The following TBC1D32 variants were observed in gnomAD, a reference collection of about 807,000 sequenced individuals.
The protein encoded by TBC1D32 is protein broad-minded.
A neutral mutation model predicts 170.3 loss-of-function variants in TBC1D32; 151 were observed. The ratio of observed to expected loss-of-function variants is 0.89; its 90% CI spans 0.78 to 1.01. The LOEUF (loss-of-function observed/expected upper bound fraction) is 1.01. TBC1D32 is among the 50% of genes least tolerant of loss of function. TBC1D32 has a pLI of 0.00. For synonymous variants in TBC1D32, 498 were observed against 488.0 expected (o/e 1.02, Z -0.27); for missense variants, 1,464 against 1,457.1 (o/e 1.00, Z -0.08).
chr6:121,094,353 G>A (rs995262715), intron 30 of TBC1D32, among the ~76,000 whole-genome samples: 3 of 151,938 alleles, frequency 2.0e-5, no homozygotes, highest in African/African-American at 7.2e-5. Context: ...TTTTAGTAGA[G>A]ACAGGGTTTC....
intron 12 of TBC1D32, among the ~76,000 whole-genome samples, chr6:121,287,778 A>C (rs1404281695): frequency 6.6e-6 from 1 of 152,200 alleles, no homozygotes; most frequent in Non-Finnish European, 1.5e-5. Flanking sequence ...CAAATGTAAA[A>C]GAACAGAAAT....
At chr6:121,334,530 C>G, upstream of TBC1D32, 2 of 1,397,616 alleles carry the variant, frequency 1.4e-6, no homozygotes, top group Non-Finnish European at 1.9e-6. Flanking sequence ...CGGCTACGTG[C>G]GGCGTCGTTC....
At chr6:121,207,136 G>A (rs190825432) in intron 21 of TBC1D32, among the ~76,000 whole-genome samples, 2 of 152,222 alleles carry the variant, frequency 1.3e-5, no homozygotes, top group African/African-American at 2.4e-5. Flanking sequence ...TTTAACCACT[G>A]TTAATCTTCA....
chr6:121,162,006 CT>C (rs1390064669), intron 22 of TBC1D32, among the ~76,000 whole-genome samples: 1 of 152,114 alleles, frequency 6.6e-6, no homozygotes, highest in African/African-American at 2.4e-5. Context: ...TGTTCATGTC[CT>C]TTGCCCACTT....
intron 22 of TBC1D32, among the ~76,000 whole-genome samples, chr6:121,194,781 A>G (rs879347306): frequency 6.6e-6 from 1 of 152,222 alleles, no homozygotes; most frequent in Non-Finnish European, 1.5e-5. Context: ...TTACCCAGAG[A>G]GAACTTGATT....
At chr6:121,249,158 C>T (rs1344298166) in intron 17 of TBC1D32, among the ~76,000 whole-genome samples, 10 of 151,578 alleles carry the variant, frequency 6.6e-5, no homozygotes, top group Non-Finnish European at 1.0e-4. Context: ...TTAACATACA[C>T]ACATCAGTAA....
intron 24 of TBC1D32, among the ~76,000 whole-genome samples, chr6:121,141,201 TAAGG>T (rs1360853942): frequency 2.0e-5 from 3 of 151,798 alleles, no homozygotes; most frequent in Admixed American, 1.3e-4. Context: ...GAGAGAGAAA[TAAGG>T]AAGAGAAGAA....
intron 22 of TBC1D32, among the ~76,000 whole-genome samples, chr6:121,168,453 A>C (rs1438595953): frequency 1.0e-4 from 10 of 98,492 alleles, no homozygotes; most frequent in African/African-American, 3.4e-4. Flanking sequence ...TCAGTAACCT[A>C]TCACAAGAAC....
intron 17 of TBC1D32, among the ~76,000 whole-genome samples, chr6:121,245,269 G>A (rs796605448): frequency 1.2e-4 from 18 of 152,296 alleles, no homozygotes; most frequent in African/African-American, 4.3e-4. Context: ...TTGAAGACAG[G>A]TCACATCACT....
intron 24 of TBC1D32, among the ~76,000 whole-genome samples, chr6:121,151,338 T>A (rs2128235223): frequency 6.6e-6 from 1 of 152,332 alleles, no homozygotes; most frequent in South Asian, 2.1e-4. Flanking sequence ...TCCTGAGTTC[T>A]AATTTGATTG....
At chr6:121,088,052 T>C (rs968626304) in intron 31 of TBC1D32, among the ~76,000 whole-genome samples, 4 of 151,420 alleles carry the variant, frequency 2.6e-5, no homozygotes, top group African/African-American at 9.7e-5. Context: ...CTGGGCTCAA[T>C]TGATCCTCCC....
chr6:121,235,617 A>G lies in TBC1D32; in HGVS notation c.2364+3453T>C, dbSNP rs564696621. On this transcript the variant is annotated intron_variant, in intron 20 of 31. Transcript: ENST00000398212. ...CACTCCTATCTTGCCCCTCAACAGCACCAAGTCTATTTCCAGGCAGCTGGT... is the reference window on the plus strand; with the variant it reads ...CACTCCTATCTTGCCCCTCAACAGCGCCAAGTCTATTTCCAGGCAGCTGGT... Among the ~76,000 whole-genome samples the G allele has an allele frequency of 5.4e-4, 82 of 152,288 alleles. 2 individuals carry two copies. The highest frequency in any genetic ancestry group is 1.9e-3 in the African/African-American group (77 of 41,568).
intron 2 of TBC1D32, among the ~76,000 whole-genome samples, chr6:121,320,742 A>C (rs1583745532): frequency 1.3e-5 from 2 of 152,288 alleles, no homozygotes; most frequent in East Asian, 3.9e-4. Flanking sequence ...AAAGAGGAAG[A>C]GCTCCTGTCC....
At chr6:121,150,183 T>A (rs1196450775) in intron 24 of TBC1D32, among the ~76,000 whole-genome samples, 1 of 152,250 alleles carries the variant, frequency 6.6e-6, no homozygotes, top group East Asian at 1.9e-4. Flanking sequence ...TTGAGATACG[T>A]TCCATCAATT....
At chr6:121,232,164 A>G (rs1795821219) in intron 20 of TBC1D32, among the ~76,000 whole-genome samples, 1 of 152,086 alleles carries the variant, frequency 6.6e-6, no homozygotes, top group Admixed American at 6.6e-5. Context: ...TTACCCCAGC[A>G]CTATTTTTTG....
At chr6:121,257,973 A>G (rs1300433424) in intron 15 of TBC1D32, among the ~76,000 whole-genome samples, 1 of 152,196 alleles carries the variant, frequency 6.6e-6, no homozygotes, top group Non-Finnish European at 1.5e-5. Context: ...TAGACAATAC[A>G]GATAACAGCT....
At chr6:121,308,470 A>G (rs2128484796) in intron 4 of TBC1D32, among the ~76,000 whole-genome samples, 1 of 151,986 alleles carries the variant, frequency 6.6e-6, no homozygotes, top group South Asian at 2.1e-4. Flanking sequence ...CTACAGTTTG[A>G]GGGCTTTAAT....
At chr6:121,216,729 C>T (rs1793873390) in intron 21 of TBC1D32, among the ~76,000 whole-genome samples, 2 of 152,200 alleles carry the variant, frequency 1.3e-5, no homozygotes, top group Admixed American at 1.3e-4. Flanking sequence ...GTTCAGTGAA[C>T]AAAGTGATGA....
At chr6:121,219,453 T>C (rs915097400) in intron 21 of TBC1D32, among the ~76,000 whole-genome samples, 21 of 152,184 alleles carry the variant, frequency 1.4e-4, no homozygotes, top group African/African-American at 4.8e-4. Flanking sequence ...CCCACAGAGA[T>C]ACATGAAAAC....
Sources: gnomAD v4.1 joint callset for allele counts (sites outside exome capture counted in the v4.1 genomes callset) on GRCh38, gnomAD v4.1.1 for gene constraint, MANE v1.5 for transcripts, NCBI Gene and HGNC (gene_info 2026-07-23, HGNC 2026-07-21) for gene names.